The following ATP13A2 variants were observed in gnomAD, a reference collection of about 807,000 sequenced individuals.
ATP13A2 encodes the protein polyamine-transporting ATPase 13A2.
A neutral mutation model predicts 138.3 loss-of-function variants in ATP13A2; 83 were observed. The observed-to-expected ratio is 0.60, with a 90% confidence interval of 0.50 to 0.72. The LOEUF (loss-of-function observed/expected upper bound fraction) is 0.72. ATP13A2 is among the 30% of genes least tolerant of loss of function. ATP13A2 has a pLI of 0.00. For synonymous variants in ATP13A2, 663 were observed against 699.0 expected (o/e 0.95, Z 0.81); for missense variants, 1,402 against 1,606.4 (o/e 0.87, Z 2.17).
chr1:17,006,118 G>C (rs1212182546), intron 1 of ATP13A2, among the ~76,000 whole-genome samples: 7 of 152,130 alleles, frequency 4.6e-5, no homozygotes, highest in Non-Finnish European at 7.4e-5. Flanking sequence ...CTGAGCAACA[G>C]AGTGAGACTC....
rs2077484121 is a variant in ATP13A2, at chr1:17,004,684, G to A, written c.477+8C>T. On this transcript the variant is annotated splice_region_variant and intron_variant, in intron 5 of 28. Transcript: ENST00000326735. This position sits in a 1 kb window ranked among gnomAD's most constrained non-coding sequence, Gnocchi z 4.1. ...CGAGAGAGGGGCAAGGACTTTTTCA[G>A]AACCCACCTGTCCGACACTCACCGC... The A allele has an allele frequency of 1.2e-6, 2 of 1,614,030 alleles. No individual in the cohort carries two copies. The highest frequency in any genetic ancestry group is 4.5e-5 in the East Asian group (2 of 44,884).
rs772243999 is a variant in ATP13A2, at chr1:16,989,743, G to C, written c.2557C>G (p.Arg853Gly). The C allele has an allele frequency of 1.9e-6, 3 of 1,614,062 alleles. No individual in the cohort carries two copies. Among genetic ancestry groups the C allele is most frequent in the Non-Finnish European group, 2.5e-6 (3 of 1,180,038 alleles). The change falls in exon 23 of 29, where the codon CGC becomes GGC. Residue 853 changes from arginine (R) to glycine (G), a missense_variant. Physicochemically the swap from Arg to Gly is moderately radical, Grantham distance 125. Coordinates refer to ENST00000326735, the MANE Select transcript of ATP13A2 (RefSeq NM_022089.4). ...TCTGTCTTCTGCTCAGGGGCCATGC[G>C]GGCAAAGACAGTGCCCTGGACCAGG... ...KVLVQGTVFA[R>G]MAPEQKTELV...
At chr1:16,994,541 T>C (rs1449444610) in intron 15 of ATP13A2, among the ~76,000 whole-genome samples, 1 of 151,694 alleles carries the variant, frequency 6.6e-6, no homozygotes, top group South Asian at 2.1e-4. Context: ...CCTCAATATA[T>C]CTGTTGAATG....
At chr1:16,999,246 G>A (rs1307790065) in intron 11 of ATP13A2, among the ~76,000 whole-genome samples, 1 of 151,928 alleles carries the variant, frequency 6.6e-6, no homozygotes, top group Non-Finnish European at 1.5e-5. Flanking sequence ...CGGGTATGGT[G>A]GCGCACACCT....
chr1:17,000,650 G>T, intron 8 of ATP13A2, 116 bp from the exon 9 acceptor site: 2 of 1,359,674 alleles, frequency 1.5e-6, no homozygotes, highest in Non-Finnish European at 2.0e-6. Context: ...AAGGACTGGA[G>T]CCAGGCCTTT....
At chr1:16,988,580 T>G in intron 23 of ATP13A2, 106 bp from the exon 24 acceptor site, 1 of 1,386,030 alleles carries the variant, frequency 7.2e-7, no homozygotes, top group Non-Finnish European at 1.0e-6. Flanking sequence ...ACATGGTGCC[T>G]GGTGTACAGG....
At chr1:16,996,337 C>T in intron 13 of ATP13A2, 37 bp from the exon 14 acceptor site, 1 of 1,613,720 alleles carries the variant, frequency 6.2e-7, no homozygotes, top group Non-Finnish European at 8.5e-7. Flanking sequence ...GGATTTGGGA[C>T]CCAGGTGGGG....
rs2077467803 is a variant in ATP13A2, at chr1:17,004,247, G to T, written c.557+85C>A. On this transcript the variant is annotated intron_variant, in intron 6 of 28. Coordinates refer to ENST00000326735, the MANE Select transcript of ATP13A2 (RefSeq NM_022089.4). The surrounding 1 kb of genome is among the most constrained non-coding windows in gnomAD (Gnocchi z 4.1). ...CAAAAGCATCAGAGCTGAGAGGGGA[G>T]CCCAGGCCATGCCATGCCACCGTCT... 2.8e-6 allele frequency: 4 copies of T among 1,403,844 alleles called. No individual in the cohort carries two copies. The highest frequency in any genetic ancestry group is 3.0e-6 in the Non-Finnish European group (3 of 1,009,230). 87.0% of individuals were successfully genotyped at this position (1,403,844 alleles called of 1,614,324 possible). A position where few individuals can be genotyped will look rare whatever the true frequency, so the allele number is the denominator to read the frequency against.
chr1:16,996,310 C>T lies in ATP13A2; in HGVS notation c.1307-10G>A, dbSNP rs751097244. The T allele has an allele frequency of 1.9e-6, 3 of 1,614,088 alleles. No individual in the cohort carries two copies. Among genetic ancestry groups the T allele is most frequent in the South Asian group, 2.2e-5 (2 of 91,072 alleles). ...ATGGTGCCGAGGAGAGCTGTGGGGA[C>T]AGCGAAGGACTGAGTGGGATTTGGG... is the stretch of plus-strand genomic sequence containing the variant. On this transcript the variant is annotated splice_polypyrimidine_tract_variant and intron_variant, in intron 13 of 28. Coordinates refer to ENST00000326735, the MANE Select transcript of ATP13A2 (RefSeq NM_022089.4).
Position 17,009,051 on chromosome 1 carries a change from C to T in ATP13A2, c.10+2678G>A, listed in dbSNP as rs562658812. Among the ~76,000 whole-genome samples, 170 of 152,244 alleles carry T rather than the reference C, an allele frequency of 1.1e-3. 1 individual carries two copies. Among genetic ancestry groups the T allele is most frequent in the African/African-American group, 3.9e-3 (162 of 41,556 alleles). ...CCTGCGGTGCTGATTTGATTTCCTC[C>T]CGCACCAACCCACAAGGTGGGCTCT... On this transcript the variant is annotated intron_variant, in intron 1 of 28. Transcript: ENST00000326735.
chr1:17,007,438 G>A (rs899724482), intron 1 of ATP13A2, among the ~76,000 whole-genome samples: 3 of 152,230 alleles, frequency 2.0e-5, no homozygotes, highest in Admixed American at 2.0e-4. Context: ...GGTTTCACAA[G>A]AGCCTCTGAA....
Position 16,992,004 on chromosome 1 carries a change from C to G in ATP13A2, c.2126+5G>C. 6.2e-7 allele frequency: 1 copy of G among 1,611,722 alleles called. No individual in the cohort carries two copies. The highest frequency in any genetic ancestry group is 8.5e-7 in the Non-Finnish European group (1 of 1,178,688). Reference sequence around the variant, plus strand: ...CAGAGTGGGTGGGACAGGAGACAGGCCCACCTCGTCAGTTGCTGGGCTGCC... The same window carrying G: ...CAGAGTGGGTGGGACAGGAGACAGGGCCACCTCGTCAGTTGCTGGGCTGCC... On this transcript the variant is annotated splice_donor_5th_base_variant and intron_variant, in intron 19 of 28. Coordinates refer to ENST00000326735, the MANE Select transcript of ATP13A2 (RefSeq NM_022089.4).
intron 1 of ATP13A2, among the ~76,000 whole-genome samples, chr1:17,009,688 C>T (rs1324140793): frequency 1.3e-5 from 2 of 152,044 alleles, no homozygotes; most frequent in Non-Finnish European, 2.9e-5. Flanking sequence ...AGCCACCACA[C>T]CCGGCCTCAA....
chr1:17,001,749 T>G (rs1297695799), intron 8 of ATP13A2, among the ~76,000 whole-genome samples: 2 of 152,188 alleles, frequency 1.3e-5, no homozygotes, highest in Admixed American at 1.3e-4. Flanking sequence ...GGCGTGTCTC[T>G]GGGGACCCCA....
intron 8 of ATP13A2, chr1:17,000,760 G>A (rs550598453): frequency 6.4e-4 from 375 of 583,348 alleles, no homozygotes; most frequent in African/African-American, 5.1e-3. Context: ...TGGGCAACAT[G>A]GCGAAACCCC....
chr1:16,994,570 T>C (rs924214042), intron 15 of ATP13A2, among the ~76,000 whole-genome samples: 3 of 152,094 alleles, frequency 2.0e-5, no homozygotes, highest in Admixed American at 6.6e-5. Context: ...AGTCAGTGCC[T>C]GCGTTCCCCA....
At chr1:17,006,262 T>C (rs2101147427) in intron 1 of ATP13A2, among the ~76,000 whole-genome samples, 1 of 151,598 alleles carries the variant, frequency 6.6e-6, no homozygotes, top group South Asian at 2.1e-4. Context: ...ATCTTTTTTT[T>C]TTTTTTGAGA....
chr1:17,002,255 G>T lies in ATP13A2; in HGVS notation c.635+41C>A, dbSNP rs781517809. 29 of 1,603,894 alleles carry T rather than the reference G, an allele frequency of 1.8e-5. No homozygotes were observed. In the Middle Eastern group the frequency reaches 4.9e-4, roughly 27 times the overall value. ...ACCACATTGGGGGGCAACACAAGGA[G>T]CCCCAGTTCTCAGGGCACCCCGGTC... On this transcript the variant is annotated intron_variant, in intron 7 of 28. Coordinates refer to ENST00000326735, the MANE Select transcript of ATP13A2 (RefSeq NM_022089.4).
rs1557693551 is a variant in ATP13A2, at chr1:16,996,370, GC to G, written c.1306+15del. ...GGGGGGGCTATGGGCAGAGGAGGGTGCAGGGGGCCACTCACCCAGGACAGAG... is the reference window on the plus strand; with the variant it reads ...GGGGGGGCTATGGGCAGAGGAGGGTGAGGGGGCCACTCACCCAGGACAGAG... On this transcript the variant is annotated intron_variant, in intron 13 of 28. Transcript: ENST00000326735. 1 of 1,613,704 alleles carries G rather than the reference GC, an allele frequency of 6.2e-7. No individual in the cohort carries two copies. Among genetic ancestry groups the G allele is most frequent in the Admixed American group, 1.7e-5 (1 of 60,024 alleles).
Sources: allele counts gnomAD v4.1 joint callset (sites outside exome capture counted in the v4.1 genomes callset), GRCh38; gene constraint gnomAD v4.1.1; non-coding constraint Gnocchi (gnomAD v3.1); transcripts MANE v1.5; gene names NCBI Gene and HGNC (gene_info 2026-07-23, HGNC 2026-07-21).